Variants in SMURF1 observed in about 807,000 individuals in gnomAD.
The protein encoded by SMURF1 is E3 ubiquitin-protein ligase SMURF1.
Under a neutral mutation model 98.0 loss-of-function variants are expected in SMURF1, and 44 were observed. The ratio of observed to expected loss-of-function variants is 0.45; its 90% CI spans 0.35 to 0.58. The LOEUF (loss-of-function observed/expected upper bound fraction) is 0.58, where lower values mean the gene tolerates loss of function less well. Among genes scored for constraint, SMURF1 ranks in the 20% least tolerant of loss-of-function variants. SMURF1 has a pLI of 0.00. For missense variants in SMURF1, 687 were observed against 938.4 expected (o/e 0.73, Z 3.50); for synonymous variants, 396 against 374.9 (o/e 1.06, Z -0.65).
At chr7:99,109,141 T>C (rs888043536) in intron 1 of SMURF1, among the ~76,000 whole-genome samples, 15 of 152,190 alleles carry the variant, frequency 9.9e-5, no homozygotes, top group African/African-American at 3.6e-4. Flanking sequence ...AGAGAGAGGA[T>C]GGAAGATGAC....
chr7:99,057,657 T>TG, intron 3 of SMURF1, 106 bp from the exon 4 acceptor site: 1 of 1,312,964 alleles, frequency 7.6e-7, no homozygotes, highest in African/African-American at 1.5e-5. Context: ...CAGGCTGGAG[T>TG]GCAGTTGTGT....
At chr7:99,083,870 G>A (rs796974038) in intron 1 of SMURF1, among the ~76,000 whole-genome samples, 4 of 152,310 alleles carry the variant, frequency 2.6e-5, no homozygotes, top group African/African-American at 7.2e-5. Flanking sequence ...GCCCCCTTTC[G>A]ATAACATCCA....
intron 1 of SMURF1, among the ~76,000 whole-genome samples, chr7:99,086,774 C>T (rs1796689925): frequency 6.6e-6 from 1 of 152,154 alleles, no homozygotes; most frequent in Admixed American, 6.6e-5. Flanking sequence ...CGTAAGTGCA[C>T]CTAGAACATA....
At chr7:99,042,012 T>G in intron 12 of SMURF1, 106 bp downstream of exon 12, 1 of 892,816 alleles carries the variant, frequency 1.1e-6, no homozygotes, top group Non-Finnish European at 1.8e-6. Context: ...ACCACTGTCT[T>G]TGATTAAGTC....
rs1167923444 is a variant in SMURF1 at position 99,076,587 on chromosome 7, A to G, written c.56-14750T>C. On this transcript the variant is annotated intron_variant, in intron 1 of 17. Coordinates refer to ENST00000361368, the MANE Select transcript of SMURF1 (RefSeq NM_181349.3). ...TCACAGCCAAGAGCAACCTAAGGAA[A>G]TATGACAACTAAATGTGATGTCATA... Among the ~76,000 whole-genome samples, 3 of 152,264 alleles carry G rather than the reference A, an allele frequency of 2.0e-5. No homozygotes were observed. In the East Asian group the frequency reaches 5.8e-4, roughly 29 times the overall value.
At chr7:99,095,605 T>C (rs1472374098) in intron 1 of SMURF1, among the ~76,000 whole-genome samples, 14 of 152,192 alleles carry the variant, frequency 9.2e-5, no homozygotes, top group Admixed American at 8.5e-4. Flanking sequence ...GGGACATAAA[T>C]TTTCCATCAC....
intron 1 of SMURF1, among the ~76,000 whole-genome samples, chr7:99,140,116 T>C (rs1026805584): frequency 6.6e-6 from 1 of 152,134 alleles, no homozygotes; most frequent in Non-Finnish European, 1.5e-5. Flanking sequence ...TCATTTGATA[T>C]ATAAAGAAAC....
intron 1 of SMURF1, among the ~76,000 whole-genome samples, chr7:99,127,093 G>A (rs773258896): frequency 6.6e-6 from 1 of 152,154 alleles, no homozygotes; most frequent in South Asian, 2.1e-4. Context: ...CTTCAGCCCC[G>A]AAGTGGGACA....
At chr7:99,046,186 T>C (rs1795566849) in intron 10 of SMURF1, among the ~76,000 whole-genome samples, 1 of 152,180 alleles carries the variant, frequency 6.6e-6, no homozygotes, top group Non-Finnish European at 1.5e-5. Context: ...GTCTGAATGC[T>C]AAGAGAGTTC....
chr7:99,092,194 T>G (rs2150579560), intron 1 of SMURF1, among the ~76,000 whole-genome samples: 1 of 152,358 alleles, frequency 6.6e-6, no homozygotes, highest in African/African-American at 2.4e-5. Flanking sequence ...TATCGAGGAC[T>G]CAAAGGTCTG....
At chr7:99,063,234 G>GATTT (rs1796080710) in intron 1 of SMURF1, among the ~76,000 whole-genome samples, 6 of 20,466 alleles carry the variant, frequency 2.9e-4, no homozygotes, top group Admixed American at 9.2e-4. Flanking sequence ...ATATATATAA[G>GATTT]ATTTATTTAT....
intron 1 of SMURF1, among the ~76,000 whole-genome samples, chr7:99,067,624 G>C (rs1367168905): frequency 6.6e-6 from 1 of 152,146 alleles, no homozygotes; most frequent in Non-Finnish European, 1.5e-5. Flanking sequence ...AGTAAAACAA[G>C]CTTCTTTTAC....
chr7:99,143,827 C>G lies in SMURF1; in HGVS notation c.-47G>C. The G allele has an allele frequency of 2.7e-6, 4 of 1,494,032 alleles. No homozygotes were observed. The highest frequency in any genetic ancestry group is 3.6e-6 in the Non-Finnish European group (4 of 1,120,282). 92.5% of individuals were successfully genotyped at this position (1,494,032 alleles called of 1,614,324 possible). A position where few individuals can be genotyped will look rare whatever the true frequency, so the allele number is the denominator to read the frequency against. The stretch of plus-strand genomic sequence containing the variant: ...CCGCGGATCCAGCGCCACCGCCCCC[C>G]AGCCCGGCCCGGCCCGGCCCCGCCG... On this transcript the variant is annotated 5_prime_UTR_variant, in exon 1 of 18. Coordinates refer to ENST00000361368, the MANE Select transcript of SMURF1 (RefSeq NM_181349.3).
Position 99,073,414 on chromosome 7 carries a change from A to C in SMURF1, c.56-11577T>G, listed in dbSNP as rs533398837. 2.6e-5 allele frequency among the ~76,000 whole-genome samples: 4 copies of C among 151,480 alleles called. No homozygotes were observed. In the East Asian group the frequency reaches 7.8e-4, roughly 30 times the overall value. On this transcript the variant is annotated intron_variant, in intron 1 of 17. Transcript: ENST00000361368. ...AAAGAAAAAATTTGTCACAACATTAAACGTTTCCAGTCGATGTAGCTAACA... is the reference window on the plus strand; with the variant it reads ...AAAGAAAAAATTTGTCACAACATTACACGTTTCCAGTCGATGTAGCTAACA...
At chr7:99,057,582 T>C (rs1198271993) in intron 3 of SMURF1, 31 bp from the exon 4 acceptor site, 2 of 1,507,018 alleles carry the variant, frequency 1.3e-6, no homozygotes, top group Non-Finnish European at 1.8e-6. Flanking sequence ...TCATTTTTAA[T>C]TGTGTTTGGT....
rs1258675712 is a variant in SMURF1 at position 99,063,261 on chromosome 7, A to AAGATT, written c.56-1425_56-1424insAATCT. ...TTTATTTATATATATATATATATAT[A>AAGATT]TATATATATATATATATATATATAT... On this transcript the variant is annotated intron_variant, in intron 1 of 17. Transcript: ENST00000361368. 8.2e-3 allele frequency among the ~76,000 whole-genome samples: 56 copies of AAGATT among 6,864 alleles called. 1 individual carries two copies. The highest frequency in any genetic ancestry group is 0.05 in the East Asian group (13 of 260). 4.5% of individuals were successfully genotyped at this position (6,864 alleles called of 152,430 possible).
In SMURF1 at chr7:99,033,124, TACAAG is replaced by T. The variant is rs757449380; in HGVS notation, c.2012-8_2012-4del. 6.4e-7 allele frequency: 1 copy of T among 1,570,412 alleles called. No individual in the cohort carries two copies. Among genetic ancestry groups the T allele is most frequent in the Non-Finnish European group, 8.6e-7 (1 of 1,157,024 alleles). ...GGGCCCTGCCGCGCCTGTAGAACCT[TACAAG>T]ACAACATTCTAGTTAATGTACTTCA... On this transcript the variant is annotated splice_region_variant and splice_polypyrimidine_tract_variant and intron_variant, in intron 16 of 17. Transcript: ENST00000361368.
At chr7:99,033,690 C>T (rs927866083) in intron 16 of SMURF1, among the ~76,000 whole-genome samples, 2 of 152,222 alleles carry the variant, frequency 1.3e-5, no homozygotes, top group Non-Finnish European at 2.9e-5. Flanking sequence ...TGACCATGGG[C>T]CTGCTCCAGA....
chr7:99,095,072 ATT>A (rs1491382393), intron 1 of SMURF1, among the ~76,000 whole-genome samples: 1 of 150,656 alleles, frequency 6.6e-6, no homozygotes, highest in East Asian at 1.9e-4. Flanking sequence ...TGTTTATTTT[ATT>A]TTATTTTATT....
Sources: allele counts gnomAD v4.1 joint callset (sites outside exome capture counted in the v4.1 genomes callset), GRCh38; gene constraint gnomAD v4.1.1; transcripts MANE v1.5; gene names NCBI Gene and HGNC (gene_info 2026-07-23, HGNC 2026-07-21).